EPB41: variants seen among roughly 807,000 people sequenced by gnomAD.
The protein encoded by EPB41 is protein 4.1.
EPB41 carries 65 observed loss-of-function variants against 108.0 expected under a neutral mutation model. That is an observed-to-expected ratio of 0.60 (90% CI 0.49 to 0.74). The LOEUF (loss-of-function observed/expected upper bound fraction) is 0.74. Among genes scored for constraint, EPB41 ranks in the 30% least tolerant of loss-of-function variants. The pLI, the probability that EPB41 is intolerant of heterozygous loss-of-function variation, is 0.00. For missense variants in EPB41, 875 were observed against 1,037.0 expected, an observed-to-expected ratio of 0.84 and a Z score of 2.15; for synonymous variants, 336 against 358.9, an observed-to-expected ratio of 0.94 and a Z score of 0.72.
intron 17 of EPB41, among the ~76,000 whole-genome samples, chr1:29,107,436 T>A (rs1045630996): frequency 6.6e-6 from 1 of 152,176 alleles, no homozygotes; most frequent in Non-Finnish European, 1.5e-5. Flanking sequence ...GGTTCCTCCC[T>A]CAGATATTGA....
At position 29,115,548 on chromosome 1, in the gene EPB41, G is replaced by C. The variant is rs1670643168; in HGVS notation, c.2497-151G>C. 13 of 690,756 alleles carry C rather than the reference G, an allele frequency of 1.9e-5. No homozygotes were observed. In the South Asian group the frequency reaches 2.1e-4, roughly 11 times the overall value. The allele number at this position is 690,756 out of a possible 1,614,324, so 42.8% of individuals were successfully genotyped here. The stretch of plus-strand genomic sequence containing the variant: ...TCCCTATGCAGGATAGGGTGGGTAA[G>C]GTAATTATCAGCTTGGCTTAGCCTA... On this transcript the variant is annotated intron_variant, in intron 19 of 20. Coordinates refer to ENST00000343067, the MANE Select transcript of EPB41 (RefSeq NM_001376013.1). The surrounding 1 kb of genome is among the most constrained non-coding windows in gnomAD (Gnocchi z 4.4).
At position 29,033,206 on chromosome 1, in the gene EPB41, T is replaced by C. The variant is rs1257497798; in HGVS notation, c.1326T>C (p.Tyr442=). 24 of 1,613,904 alleles carry C rather than the reference T, an allele frequency of 1.5e-5. No homozygotes were observed. The highest frequency in any genetic ancestry group is 1.8e-5 in the Non-Finnish European group (21 of 1,179,920). Residue 442 remains tyrosine (Y), a synonymous_variant, in exon 9 of 21, where the codon TAT becomes TAC. Transcript: ENST00000343067. ...GGCCCAAAGTGCTGAAGATTTCTTA[T>C]AAACGTAGTAGCTTTTTCATCAAGA... ...FPWPKVLKIS[Y]KRSSFFIKIR...
At chr1:28,981,924 T>A (rs922292633) in intron 1 of EPB41, among the ~76,000 whole-genome samples, 2 of 151,838 alleles carry the variant, frequency 1.3e-5, no homozygotes, top group East Asian at 3.8e-4. Flanking sequence ...CTTTAAGTTT[T>A]AGGGTACATG....
At chr1:29,057,791 C>T (rs894431774) in intron 12 of EPB41, among the ~76,000 whole-genome samples, 1 of 152,076 alleles carries the variant, frequency 6.6e-6, no homozygotes, top group African/African-American at 2.4e-5. Context: ...AAAGGTATTT[C>T]AAAGCTAGGC....
Position 28,980,008 on chromosome 1 carries a change from A to C in EPB41, c.-7-7423A>C, listed in dbSNP as rs147909086. On this transcript the variant is annotated intron_variant, in intron 1 of 20. Transcript: ENST00000343067. ...TGCATTTGGCAGAAAATTCAGATGAATGGATTGGCCACACAATACAGCAAG... is the reference window on the plus strand; with the variant it reads ...TGCATTTGGCAGAAAATTCAGATGACTGGATTGGCCACACAATACAGCAAG... Among the ~76,000 whole-genome samples the C allele has an allele frequency of 3.1e-3, 479 of 152,314 alleles. 1 individual carries two copies. Among genetic ancestry groups the C allele is most frequent in the Non-Finnish European group, 4.8e-3 (326 of 68,026 alleles).
At chr1:29,045,195 G>T (rs1642803089) in intron 11 of EPB41, among the ~76,000 whole-genome samples, 1 of 151,968 alleles carries the variant, frequency 6.6e-6, no homozygotes, top group South Asian at 2.1e-4. Flanking sequence ...GGAGATAATT[G>T]GTATTATAAT....
intron 1 of EPB41, among the ~76,000 whole-genome samples, chr1:28,937,208 C>G (rs1224760264): frequency 6.6e-6 from 1 of 152,098 alleles, no homozygotes; most frequent in Non-Finnish European, 1.5e-5. Flanking sequence ...ATTTGTGTAT[C>G]TTCTCTTGTG....
chr1:28,992,715 A>G (rs1466318813), intron 2 of EPB41, among the ~76,000 whole-genome samples: 2 of 152,136 alleles, frequency 1.3e-5, no homozygotes, highest in Admixed American at 1.3e-4. Context: ...CAAAAATGTT[A>G]TCCTACTTAT....
At chr1:28,926,661 A>G (rs1248172065) in intron 1 of EPB41, among the ~76,000 whole-genome samples, 4 of 152,372 alleles carry the variant, frequency 2.6e-5, no homozygotes, top group Admixed American at 6.5e-5. Flanking sequence ...CAGATAATCT[A>G]TAGAATAACT....
intron 19 of EPB41, among the ~76,000 whole-genome samples, chr1:29,113,061 T>G (rs1669743383): frequency 6.6e-6 from 1 of 152,196 alleles, no homozygotes; most frequent in South Asian, 2.1e-4. Flanking sequence ...TTCCGCTGAT[T>G]TTTTTCTCCT....
intron 1 of EPB41, among the ~76,000 whole-genome samples, chr1:28,979,647 T>C (rs1313684730): frequency 6.6e-6 from 1 of 151,814 alleles, no homozygotes; most frequent in South Asian, 2.1e-4. Flanking sequence ...TACCACTAAA[T>C]CTAATATAGC....
At chr1:28,969,674 C>T (rs1429369931) in intron 1 of EPB41, among the ~76,000 whole-genome samples, 2 of 150,524 alleles carry the variant, frequency 1.3e-5, no homozygotes, top group Admixed American at 6.6e-5. Context: ...CTGAGGCGGG[C>T]GGATCACGAG....
intron 1 of EPB41, among the ~76,000 whole-genome samples, chr1:28,892,220 G>C (rs2090195009): frequency 6.6e-6 from 1 of 151,970 alleles, no homozygotes; most frequent in South Asian, 2.1e-4. Flanking sequence ...TCAGGTAGGT[G>C]GTACCCCTCA....
chr1:29,003,374 T>C (rs928223318), intron 4 of EPB41, among the ~76,000 whole-genome samples: 1 of 152,206 alleles, frequency 6.6e-6, no homozygotes, highest in African/African-American at 2.4e-5. Flanking sequence ...AGTTGCACAG[T>C]CAGTTTACTC....
At chr1:28,977,943 C>G (rs770017796) in intron 1 of EPB41, among the ~76,000 whole-genome samples, 129 of 145,060 alleles carry the variant, frequency 8.9e-4, no homozygotes, top group Middle Eastern at 3.6e-3. Context: ...TTATCAGTTT[C>G]ATTTTATATT....
chr1:28,939,749 G>A (rs2094198785), intron 1 of EPB41, among the ~76,000 whole-genome samples: 1 of 151,868 alleles, frequency 6.6e-6, no homozygotes, highest in African/African-American at 2.4e-5. Context: ...GGCCTCAAGT[G>A]CTTTTTAAAG....
chr1:29,017,138 G>A (rs899017123), intron 6 of EPB41, among the ~76,000 whole-genome samples: 4 of 151,932 alleles, frequency 2.6e-5, no homozygotes, highest in South Asian at 2.1e-4. Context: ...ATCTTTTTCC[G>A]TCTAGGCTTA....
chr1:28,974,510 C>T (rs1454351017), intron 1 of EPB41, among the ~76,000 whole-genome samples: 2 of 152,078 alleles, frequency 1.3e-5, no homozygotes, highest in Non-Finnish European at 2.9e-5. Flanking sequence ...GTGAAGAAGA[C>T]TCATACAAAC....
At chr1:29,056,535 C>G (rs1645480007) in intron 12 of EPB41, among the ~76,000 whole-genome samples, 1 of 151,532 alleles carries the variant, frequency 6.6e-6, no homozygotes, top group African/African-American at 2.4e-5. Context: ...GGCCTCAATT[C>G]TTTTTTTTGA....
Sources: gnomAD v4.1 joint callset for allele counts (sites outside exome capture counted in the v4.1 genomes callset) on GRCh38, gnomAD v4.1.1 for gene constraint, Gnocchi (gnomAD v3.1) non-coding constraint, MANE v1.5 for transcripts, NCBI Gene and HGNC (gene_info 2026-07-23, HGNC 2026-07-21) for gene names.